Variants in PPP1R13L observed in about 807,000 individuals in gnomAD.
PPP1R13L encodes the protein protein phosphatase 1 regulatory subunit 13 like, also known as relA-associated inhibitor.
A neutral mutation model predicts 80.9 loss-of-function variants in PPP1R13L; 50 were observed. That is an observed-to-expected ratio of 0.62 (90% confidence interval 0.49 to 0.78). The LOEUF (loss-of-function observed/expected upper bound fraction) is 0.78. PPP1R13L is among the 30% of genes least tolerant of loss of function. The pLI is 0.00. For missense variants in PPP1R13L, 1,200 were observed against 1,205.9 expected (o/e 1.00, Z 0.07); for synonymous variants, 602 against 534.3 (o/e 1.13, Z -1.75).
chr19:45,388,876 T>A (rs778028192), intron 8 of PPP1R13L, among the ~76,000 whole-genome samples: 1 of 151,910 alleles, frequency 6.6e-6, no homozygotes, highest in Non-Finnish European at 1.5e-5. Context: ...TAGCTGGGAT[T>A]ACAGGCATGC....
At chr19:45,390,773 AGG>A in intron 8 of PPP1R13L, among the ~76,000 whole-genome samples, 1 of 152,240 alleles carries the variant, frequency 6.6e-6, no homozygotes, top group South Asian at 2.1e-4. Flanking sequence ...TTTAGTAGAC[AGG>A]GGGTTTCACC....
Position 45,392,294 on chromosome 19 carries a change from C to G in PPP1R13L, c.1401G>C (p.Glu467Asp). 1.2e-6 allele frequency: 2 copies of G among 1,613,652 alleles called. No homozygotes were observed. The highest frequency in any genetic ancestry group is 8.5e-7 in the Non-Finnish European group (1 of 1,180,034). Residue 467 changes from glutamate to aspartate, a missense_variant, in exon 8 of 13, where the codon GAG (glutamate) becomes GAC (aspartate). Physicochemically the swap from Glu to Asp is conservative, Grantham distance 45. Transcript: ENST00000360957. ...PTELEPEPEI[E>D]GLLTPVLEAG... ...CCTCCAGCACTGGTGTCAGCAGCCCCTCTATCTCCGGCTCAGGCTCCAGCT... is the reference window on the plus strand; with the variant it reads ...CCTCCAGCACTGGTGTCAGCAGCCCGTCTATCTCCGGCTCAGGCTCCAGCT...
chr19:45,395,384 G>T, intron 7 of PPP1R13L, 52 bp downstream of exon 7: 1 of 1,564,592 alleles, frequency 6.4e-7, no homozygotes. Flanking sequence ...TGGTCCCCCT[G>T]CCATTTGTCC....
chr19:45,387,695 C>T (rs546745290), intron 8 of PPP1R13L, among the ~76,000 whole-genome samples: 17 of 152,196 alleles, frequency 1.1e-4, no homozygotes, highest in East Asian at 7.8e-4. Context: ...GCTGGGACTA[C>T]GGGCGCCCGC....
At chr19:45,400,073 G>T (rs973285408) in intron 1 of PPP1R13L, among the ~76,000 whole-genome samples, 1 of 152,108 alleles carries the variant, frequency 6.6e-6, no homozygotes, top group African/African-American at 2.4e-5. Flanking sequence ...AGAAACATAT[G>T]TTCAAGGTCA....
At chr19:45,392,456 G>T in intron 7 of PPP1R13L, 116 bp from the exon 8 acceptor site, 1 of 1,077,490 alleles carries the variant, frequency 9.3e-7, no homozygotes. Flanking sequence ...CCTCAGGGAA[G>T]TTCCTTGCCC....
intron 8 of PPP1R13L, among the ~76,000 whole-genome samples, chr19:45,390,230 G>A (rs1480756554): frequency 6.6e-6 from 1 of 152,024 alleles, no homozygotes. Context: ...AGCTGGGATT[G>A]GAATGAGACC....
intron 1 of PPP1R13L, among the ~76,000 whole-genome samples, chr19:45,403,756 C>T (rs1210914449): frequency 6.6e-6 from 1 of 152,132 alleles, no homozygotes; most frequent in Non-Finnish European, 1.5e-5. Context: ...CATCAAATGC[C>T]CTTCAAGCCC....
chr19:45,382,994 TTC>T (rs1972794465), intron 11 of PPP1R13L, among the ~76,000 whole-genome samples: 2 of 103,198 alleles, frequency 1.9e-5, no homozygotes, highest in South Asian at 3.1e-4. Context: ...TTTCTTTTCT[TTC>T]TTTTTTTTTT....
chr19:45,397,969 G>A (rs1392132380), intron 3 of PPP1R13L, 36 bp downstream of exon 3: 2 of 1,587,174 alleles, frequency 1.3e-6, no homozygotes, highest in Admixed American at 3.4e-5. Context: ...GTGGCGAGAG[G>A]CTGGCTTTGG....
chr19:45,402,553 G>T (rs1020261274), intron 1 of PPP1R13L, among the ~76,000 whole-genome samples: 29 of 152,340 alleles, frequency 1.9e-4, no homozygotes, highest in African/African-American at 6.7e-4. Flanking sequence ...CTGAGCTCAG[G>T]CCCGGGGAAT....
intron 8 of PPP1R13L, among the ~76,000 whole-genome samples, chr19:45,386,750 C>T (rs997741649): frequency 6.6e-6 from 1 of 151,512 alleles, no homozygotes; most frequent in Non-Finnish European, 1.5e-5. Flanking sequence ...ATTCTCCTGC[C>T]TCAGCCTCCT....
chr19:45,398,322 G>A lies in PPP1R13L; in HGVS notation c.-4C>T, dbSNP rs1248047266. The A allele has an allele frequency of 3.7e-6, 6 of 1,613,364 alleles. No individual in the cohort carries two copies. ...TCTGGAATGCCTCGCTGTCCATGGT[G>A]CCGGCCGGAGCGGGCGCCTGCATGG... On this transcript the variant is annotated 5_prime_UTR_variant, in exon 2 of 13. Transcript: ENST00000360957.
chr19:45,382,141 T>C (rs1437490559), intron 12 of PPP1R13L, among the ~76,000 whole-genome samples: 2 of 150,196 alleles, frequency 1.3e-5, no homozygotes, highest in Admixed American at 1.3e-4. Flanking sequence ...GCAGGAGAAC[T>C]GGTTGAGCCC....
At chr19:45,390,778 G>GAAA (rs2123368051) in intron 8 of PPP1R13L, among the ~76,000 whole-genome samples, 1 of 152,172 alleles carries the variant, frequency 6.6e-6, no homozygotes, top group South Asian at 2.1e-4. Flanking sequence ...TAGACAGGGG[G>GAAA]TTTCACCATG....
rs1568560461 is a variant in PPP1R13L, at chr19:45,396,525, C to T, written c.712+20G>A. On this transcript the variant is annotated intron_variant, in intron 4 of 12. Transcript: ENST00000360957. This position sits in a 1 kb window ranked among gnomAD's most constrained non-coding sequence, Gnocchi z 5.3. ...TTGACCCCGCGAGTCAAAGGCCCCG[C>T]GAGGGGCCCCTGGGTTCACCTTGCG... 6.3e-7 allele frequency: 1 copy of T among 1,589,568 alleles called. No individual in the cohort carries two copies. The highest frequency in any genetic ancestry group is 8.5e-7 in the Non-Finnish European group (1 of 1,170,912).
intron 1 of PPP1R13L, among the ~76,000 whole-genome samples, chr19:45,399,145 G>A (rs996355107): frequency 6.7e-6 from 1 of 150,294 alleles, no homozygotes; most frequent in East Asian, 2.0e-4. Flanking sequence ...GGGTTTCACC[G>A]TGTCAGCCAG....
chr19:45,403,467 C>T (rs905344890), intron 1 of PPP1R13L, among the ~76,000 whole-genome samples: 4 of 152,014 alleles, frequency 2.6e-5, no homozygotes, highest in African/African-American at 4.8e-5. Flanking sequence ...CACTTAGGGA[C>T]GGGAGGGCTG....
At chr19:45,384,789 G>T (rs536915476) in intron 11 of PPP1R13L, among the ~76,000 whole-genome samples, 1 of 151,818 alleles carries the variant, frequency 6.6e-6, no homozygotes, top group Non-Finnish European at 1.5e-5. Flanking sequence ...GGAGGTGGAG[G>T]TTGCAGTGAG....
Sources: allele counts gnomAD v4.1 joint callset (sites outside exome capture counted in the v4.1 genomes callset), GRCh38; gene constraint gnomAD v4.1.1; non-coding constraint Gnocchi (gnomAD v3.1); transcripts MANE v1.5; gene names NCBI Gene and HGNC (gene_info 2026-07-23, HGNC 2026-07-21).